Variants in NOX4 observed in about 807,000 individuals in gnomAD.
NOX4 encodes NADPH oxidase 4.
Under a neutral mutation model 87.6 loss-of-function variants are expected in NOX4, and 69 were observed. The observed-to-expected ratio is 0.79, with a 90% CI of 0.65 to 0.96. The LOEUF is 0.96. Ranked by LOEUF, NOX4 falls within the 40% of genes least tolerant of loss-of-function variation. The pLI is 0.00. For synonymous variants in NOX4, 275 were observed against 238.2 expected (o/e 1.15, Z -1.42); for missense variants, 680 against 681.5 (o/e 1.00, Z 0.02).
intron 8 of NOX4, among the ~76,000 whole-genome samples, chr11:89,406,426 A>G (rs1034716779): frequency 1.3e-5 from 2 of 152,134 alleles, no homozygotes; most frequent in African/African-American, 2.4e-5. Context: ...AACAGAACCC[A>G]CTTAAGATAA....
chr11:89,393,303 T>G (rs765265758), intron 11 of NOX4, among the ~76,000 whole-genome samples: 1 of 152,110 alleles, frequency 6.6e-6, no homozygotes, highest in South Asian at 2.1e-4. Flanking sequence ...CCTGATCTAG[T>G]GCAATAATCC....
intron 7 of NOX4, among the ~76,000 whole-genome samples, chr11:89,426,809 G>A (rs1002593698): frequency 4.6e-5 from 7 of 152,246 alleles, no homozygotes; most frequent in Admixed American, 2.6e-4. Context: ...GGGCATAGCC[G>A]AACAAAAGGC....
chr11:89,471,998 T>C (rs1945964943), intron 2 of NOX4, among the ~76,000 whole-genome samples: 1 of 152,160 alleles, frequency 6.6e-6, no homozygotes, highest in Admixed American at 6.6e-5. Flanking sequence ...CACCTTGGCC[T>C]CCCTAAGTTC....
intron 2 of NOX4, among the ~76,000 whole-genome samples, chr11:89,470,329 A>G (rs900894272): frequency 1.6e-4 from 24 of 152,180 alleles, no homozygotes; most frequent in African/African-American, 5.8e-4. Context: ...TGACATTCTC[A>G]TTGTAGTTGT....
chr11:89,400,234 A>G lies in NOX4; in HGVS notation c.992T>C (p.Phe331Ser). ...ACTCACCTGACCAGGTCTTGCTTTA[A>G]AATTTTCTTTGACCATTCGGATTTC... ...VMEIRMVKENFKARPGQYITL... is the reference protein window; with the variant it reads ...VMEIRMVKENSKARPGQYITL... Residue 331 changes from phenylalanine to serine, a missense_variant, in exon 10 of 18, where the codon TTT becomes TCT. Coordinates refer to ENST00000263317, the MANE Select transcript of NOX4 (RefSeq NM_016931.5). 6.2e-7 allele frequency: 1 copy of G among 1,612,768 alleles called. No homozygotes were observed. The highest frequency in any genetic ancestry group is 8.5e-7 in the Non-Finnish European group (1 of 1,179,230).
Position 89,399,877 on chromosome 11 carries a change from C to T in NOX4, c.1074+140G>A, listed in dbSNP as rs1217595648. The T allele has an allele frequency of 1.1e-5, 6 of 571,178 alleles. No homozygotes were observed. The Admixed American group carries it at 1.7e-4, about 16-fold the overall frequency. 35.4% of individuals were successfully genotyped at this position (571,178 alleles called of 1,614,324 possible). A position where few individuals can be genotyped will look rare whatever the true frequency, so the allele number is the denominator to read the frequency against. On this transcript the variant is annotated intron_variant, in intron 11 of 17. Coordinates refer to ENST00000263317, the MANE Select transcript of NOX4 (RefSeq NM_016931.5). ...CAGTTCTTGAGCAGATAACTATTTT[C>T]CTTGTAAAAAGATAGCTTACTTAAA...
At chr11:89,430,679 A>T (rs1367832236) in intron 7 of NOX4, among the ~76,000 whole-genome samples, 1 of 152,144 alleles carries the variant, frequency 6.6e-6, no homozygotes, top group Non-Finnish European at 1.5e-5. Context: ...GGAGAACTAC[A>T]TACCACTGCT....
chr11:89,398,753 T>C (rs1426136592), intron 11 of NOX4, among the ~76,000 whole-genome samples: 2 of 151,846 alleles, frequency 1.3e-5, no homozygotes. Context: ...GTCTCTGTTC[T>C]CAATTATCTT....
intron 8 of NOX4, among the ~76,000 whole-genome samples, chr11:89,413,092 C>T (rs923620495): frequency 6.6e-6 from 1 of 152,114 alleles, no homozygotes. Flanking sequence ...AACATCACAT[C>T]ATCAGATAAA....
the NOX4 span, among the ~76,000 whole-genome samples, chr11:89,510,572 A>T: frequency 2.0e-5 from 3 of 152,094 alleles, no homozygotes; most frequent in Admixed American, 2.0e-4. Context: ...AAATTATGTA[A>T]TTTTTACAGA....
chr11:89,350,047 T>C (rs1946390748), intron 13 of NOX4, among the ~76,000 whole-genome samples: 1 of 152,176 alleles, frequency 6.6e-6, no homozygotes, highest in Non-Finnish European at 1.5e-5. Context: ...ATGCACATTC[T>C]TTTTTTATTC....
chr11:89,409,636 A>G (rs1316953939), intron 8 of NOX4, among the ~76,000 whole-genome samples: 1 of 152,154 alleles, frequency 6.6e-6, no homozygotes, highest in African/African-American at 2.4e-5. Flanking sequence ...CATAATTACT[A>G]TAGAGAAATA....
upstream of NOX4, chr11:89,491,702 A>G (rs983272812): frequency 4.2e-5 from 7 of 166,134 alleles, no homozygotes; most frequent in African/African-American, 7.3e-5. Flanking sequence ...TCATACTAAA[A>G]GTGGGGACCC....
At chr11:89,553,950 T>C in the NOX4 span, among the ~76,000 whole-genome samples, 1 of 151,694 alleles carries the variant, frequency 6.6e-6, no homozygotes, top group African/African-American at 2.4e-5. Context: ...GTTAGACTCC[T>C]ATCCGCTCAC....
intron 11 of NOX4, among the ~76,000 whole-genome samples, chr11:89,385,617 A>G (rs1940644754): frequency 1.3e-5 from 2 of 152,108 alleles, no homozygotes; most frequent in African/African-American, 4.8e-5. Context: ...TCTTTCCACC[A>G]TGGAAATCTA....
chr11:89,577,938 A>G, the NOX4 span, among the ~76,000 whole-genome samples: 1 of 152,156 alleles, frequency 6.6e-6, no homozygotes, highest in African/African-American at 2.4e-5. Context: ...TTCTAAGGCA[A>G]AGTTTAAAAT....
chr11:89,468,109 C>T (rs563728919), intron 2 of NOX4, among the ~76,000 whole-genome samples: 2 of 152,200 alleles, frequency 1.3e-5, no homozygotes, highest in South Asian at 2.1e-4. Flanking sequence ...TGTCTAAACC[C>T]CTTCTCTGAC....
At chr11:89,445,868 G>A (rs1050953331) in intron 4 of NOX4, among the ~76,000 whole-genome samples, 5 of 152,002 alleles carry the variant, frequency 3.3e-5, no homozygotes, top group Admixed American at 6.6e-5. Context: ...TAATAAGCTG[G>A]CCTTCATTAA....
intron 2 of NOX4, among the ~76,000 whole-genome samples, chr11:89,458,007 C>A (rs1197246820): frequency 6.6e-6 from 1 of 152,060 alleles, no homozygotes; most frequent in Non-Finnish European, 1.5e-5. Context: ...GATTCAATAC[C>A]ATTCCTATCA....
Sources: allele counts gnomAD v4.1 joint callset (sites outside exome capture counted in the v4.1 genomes callset), GRCh38; gene constraint gnomAD v4.1.1; transcripts MANE v1.5; gene names NCBI Gene and HGNC (gene_info 2026-07-23, HGNC 2026-07-21).